ARL6IP6: variants seen among roughly 807,000 people sequenced by gnomAD.
ARL6IP6 encodes ARF like GTPase 6 interacting protein 6.
A neutral mutation model predicts 21.5 loss-of-function variants in ARL6IP6; 22 were observed. The ratio of observed to expected loss-of-function variants is 1.02; its 90% CI spans 0.73 to 1.46. The LOEUF is 1.46. ARL6IP6 is among the 40% of genes most tolerant of loss of function. ARL6IP6 has a pLI of 0.00. For missense variants in ARL6IP6, 388 were observed against 299.8 expected, an observed-to-expected ratio of 1.29 and a Z score of -2.17; for synonymous variants, 164 against 125.3, an observed-to-expected ratio of 1.31 and a Z score of -2.06.
chr2:152,719,154 C>T (rs374975909), intron 1 of ARL6IP6, 130 bp downstream of exon 1: 5 of 1,070,178 alleles, frequency 4.7e-6, no homozygotes, highest in East Asian at 2.8e-5. Flanking sequence ...CCAGAGTCCT[C>T]ATTTGCATCT....
chr2:152,749,446 G>A (rs1701218226), intron 3 of ARL6IP6, among the ~76,000 whole-genome samples: 1 of 152,106 alleles, frequency 6.6e-6, no homozygotes, highest in Non-Finnish European at 1.5e-5. Context: ...TTTAAAGCAA[G>A]CTTAGGTTTA....
Position 152,760,734 on chromosome 2 carries a change from A to C in ARL6IP6, c.*894A>C, listed in dbSNP as rs962393402. 2.0e-5 allele frequency: 3 copies of C among 151,948 alleles called. No homozygotes were observed. The highest frequency in any genetic ancestry group is 4.4e-5 in the Non-Finnish European group (3 of 67,920). The allele number at this position is 151,948 out of a possible 1,614,324, so 9.4% of individuals were successfully genotyped here. A position where few individuals can be genotyped will look rare whatever the true frequency, so the allele number is the denominator to read the frequency against. ...TTGTTACTTTAACAGAACTTGCATT[A>C]TTTTGTTTTTAATAAATATAAACAT... is the stretch of plus-strand genomic sequence containing the variant. On this transcript the variant is annotated 3_prime_UTR_variant, in exon 4 of 4. Coordinates refer to ENST00000326446, the MANE Select transcript of ARL6IP6 (RefSeq NM_152522.7).
chr2:152,720,634 T>C (rs776834231), intron 2 of ARL6IP6, 48 bp downstream of exon 2: 1 of 1,518,252 alleles, frequency 6.6e-7, no homozygotes, highest in Non-Finnish European at 9.1e-7. Flanking sequence ...CACGTTTGTG[T>C]TTCTAGATCA....
chr2:152,744,689 C>T (rs1700968506), intron 3 of ARL6IP6, among the ~76,000 whole-genome samples: 1 of 152,122 alleles, frequency 6.6e-6, no homozygotes. Flanking sequence ...TGTCTGATCA[C>T]TATGAATTAT....
In ARL6IP6 at chr2:152,718,704, C is replaced by G; in HGVS notation, c.80C>G (p.Ser27Trp). ...PGTPGPVARP[S>W]YSSFTQGDSW... ...ACCCCGGGCCCTGTGGCTCGGCCAT[C>G]GTATTCCTCCTTTACTCAGGGGGAC... Residue 27 changes from serine to tryptophan, a missense_variant, in exon 1 of 4, where the codon TCG (serine) becomes TGG (tryptophan). By Grantham distance (177) the Ser-to-Trp change is radical. Transcript: ENST00000326446. 6.2e-7 allele frequency: 1 copy of G among 1,600,572 alleles called. No homozygotes were observed.
chr2:152,743,136 G>A (rs1429675594), intron 3 of ARL6IP6, among the ~76,000 whole-genome samples: 2 of 151,254 alleles, frequency 1.3e-5, no homozygotes, highest in Non-Finnish European at 2.9e-5. Context: ...TTTTCTCCTA[G>A]TACCTGTATT....
chr2:152,758,787 G>A lies in ARL6IP6; in HGVS notation c.588-960G>A, dbSNP rs936050644. 1.3e-4 allele frequency among the ~76,000 whole-genome samples: 20 copies of A among 152,168 alleles called. 1 individual carries two copies. Among genetic ancestry groups the A allele is most frequent in the Non-Finnish European group, 8.8e-5 (6 of 68,024 alleles). On this transcript the variant is annotated intron_variant, in intron 3 of 3. Transcript: ENST00000326446. The stretch of plus-strand genomic sequence containing the variant: ...GGAATCACTATGAGGTGCTCTTCAA[G>A]TGTTAGTTCACAGCTAAGTGCTTCT...
chr2:152,747,251 T>C (rs903257815), intron 3 of ARL6IP6, among the ~76,000 whole-genome samples: 14 of 152,356 alleles, frequency 9.2e-5, no homozygotes, highest in Admixed American at 9.1e-4. Context: ...GTTCTGTGAC[T>C]AGTACAGCCA....
At chr2:152,725,643 G>A (rs1451420351) in intron 2 of ARL6IP6, among the ~76,000 whole-genome samples, 1 of 149,830 alleles carries the variant, frequency 6.7e-6, no homozygotes, top group African/African-American at 2.5e-5. Flanking sequence ...TTTTAATGAC[G>A]CAAGTGCAAA....
intron 2 of ARL6IP6, among the ~76,000 whole-genome samples, chr2:152,720,819 A>G (rs1201949273): frequency 1.3e-5 from 2 of 152,178 alleles, no homozygotes; most frequent in African/African-American, 4.8e-5. Flanking sequence ...GGCCAGGTGC[A>G]GTGGCTCACA....
intron 2 of ARL6IP6, among the ~76,000 whole-genome samples, chr2:152,731,215 AAC>A (rs1464959481): frequency 5.9e-5 from 9 of 152,232 alleles, no homozygotes; most frequent in African/African-American, 2.2e-4. Context: ...TGGAGAAATG[AAC>A]ACAGAGCCCA....
In ARL6IP6 at chr2:152,718,863, C is replaced by T. The variant is rs544189110; in HGVS notation, c.239C>T (p.Ser80Leu). ...RSVLPPDGNG[S>L]PVLPDKRNGI... ...GTGCTCCCGCCGGACGGGAACGGGT[C>T]GCCCGTTCTGCCCGATAAGCGCAAT... Residue 80 changes from serine to leucine, a missense_variant, in exon 1 of 4, where the codon TCG becomes TTG. Physicochemically the swap from Ser to Leu is moderately radical, Grantham distance 145. Coordinates refer to ENST00000326446, the MANE Select transcript of ARL6IP6 (RefSeq NM_152522.7). The T allele has an allele frequency of 3.7e-6, 6 of 1,613,424 alleles. No individual in the cohort carries two copies. Among genetic ancestry groups the T allele is most frequent in the Admixed American group, 3.3e-5 (2 of 59,956 alleles).
chr2:152,719,141 C>A, intron 1 of ARL6IP6, 117 bp downstream of exon 1: 1 of 1,193,358 alleles, frequency 8.4e-7, no homozygotes, highest in Non-Finnish European at 1.1e-6. Flanking sequence ...CAGCTGCTTT[C>A]ACCCAGAGTC....
intron 3 of ARL6IP6, among the ~76,000 whole-genome samples, chr2:152,751,159 A>G (rs1261622524): frequency 6.6e-6 from 1 of 152,068 alleles, no homozygotes; most frequent in South Asian, 2.1e-4. Context: ...ACTTGAATGG[A>G]AATTTTTTAA....
chr2:152,717,820 G>GC, upstream of ARL6IP6: 1 of 1,142,892 alleles, frequency 8.7e-7, no homozygotes, highest in Non-Finnish European at 1.1e-6. Context: ...AGTTACGTAC[G>GC]CCCCACAAAC....
intron 3 of ARL6IP6, among the ~76,000 whole-genome samples, chr2:152,758,573 A>G (rs1363534059): frequency 3.3e-5 from 5 of 152,176 alleles, no homozygotes; most frequent in African/African-American, 1.2e-4. Context: ...TTAATAACAC[A>G]TGAGAAGCAT....
intron 2 of ARL6IP6, among the ~76,000 whole-genome samples, chr2:152,728,432 G>T (rs16831710): frequency 6.6e-6 from 1 of 151,976 alleles, no homozygotes; most frequent in Non-Finnish European, 1.5e-5. Context: ...GTAAATTGGT[G>T]CCTCTGTGTC....
chr2:152,718,846 G>A lies in ARL6IP6; in HGVS notation c.222G>A (p.Pro74=), dbSNP rs1356200101. ...AGCCCAGAAAGCGCTCGGTGCTCCC[G>A]CCGGACGGGAACGGGTCGCCCGTTC... is the stretch of plus-strand genomic sequence containing the variant. ...WSEPRKRSVL[P]PDGNGSPVLP... The change falls in exon 1 of 4, where the codon CCG becomes CCA. Residue 74 remains proline (P), a synonymous_variant. Transcript: ENST00000326446. 2 of 1,612,148 alleles carry A rather than the reference G, an allele frequency of 1.2e-6. No individual in the cohort carries two copies. The highest frequency in any genetic ancestry group is 2.7e-5 in the African/African-American group (2 of 75,016).
chr2:152,742,105 G>T (rs879845972), intron 3 of ARL6IP6, among the ~76,000 whole-genome samples: 13 of 152,180 alleles, frequency 8.5e-5, no homozygotes, highest in Admixed American at 1.3e-4. Context: ...CCTGTTCATT[G>T]TCTGGGTTTT....
Sources: gnomAD v4.1 joint callset for allele counts (sites outside exome capture counted in the v4.1 genomes callset) on GRCh38, gnomAD v4.1.1 for gene constraint, MANE v1.5 for transcripts, NCBI Gene and HGNC (gene_info 2026-07-23, HGNC 2026-07-21) for gene names.